The following LRP11 variants were observed in gnomAD, a reference collection of about 807,000 sequenced individuals.
LRP11 encodes the protein LDL receptor related protein 11, also known as low-density lipoprotein receptor-related protein 11.
Under a neutral mutation model 43.1 loss-of-function variants are expected in LRP11, and 25 were observed. The observed-to-expected ratio is 0.58, with a 90% CI of 0.42 to 0.81. The LOEUF (loss-of-function observed/expected upper bound fraction) is 0.81. LRP11 is among the 30% of genes least tolerant of loss of function. The pLI is 0.00. For missense variants in LRP11, 623 were observed against 665.1 expected, an observed-to-expected ratio of 0.94 and a Z score of 0.70; for synonymous variants, 316 against 299.4, an observed-to-expected ratio of 1.06 and a Z score of -0.57.
chr6:149,839,400 G>A lies in LRP11; in HGVS notation c.914-1937C>T, dbSNP rs534155875. On this transcript the variant is annotated intron_variant, in intron 3 of 6. Transcript: ENST00000239367. ...ATGGGCCTGAAGGAGAGTCAGCTCCGGCCACTGGGAAGAAGCAGGGAGCGG... is the reference window on the plus strand; with the variant it reads ...ATGGGCCTGAAGGAGAGTCAGCTCCAGCCACTGGGAAGAAGCAGGGAGCGG... Among the ~76,000 whole-genome samples, 22 of 152,262 alleles carry A rather than the reference G, an allele frequency of 1.4e-4. No individual in the cohort carries two copies. The South Asian group carries it at 4.4e-3, about 30-fold the overall frequency.
intron 2 of LRP11, among the ~76,000 whole-genome samples, chr6:149,843,698 A>C (rs1776586483): frequency 6.6e-6 from 1 of 152,140 alleles, no homozygotes; most frequent in Admixed American, 6.5e-5. Context: ...CCTAAGAAAC[A>C]AACAAAACAA....
At chr6:149,826,465 G>T in intron 5 of LRP11, 106 bp from the exon 6 acceptor site, 1 of 733,020 alleles carries the variant, frequency 1.4e-6, no homozygotes. Context: ...ACTTAGAGAA[G>T]AACTGTTTAT....
chr6:149,858,415 T>C (rs1776835552), intron 1 of LRP11, among the ~76,000 whole-genome samples: 8 of 152,232 alleles, frequency 5.3e-5, no homozygotes, highest in Admixed American at 4.6e-4. Flanking sequence ...ATGGAGTATA[T>C]GTGCCACATT....
At chr6:149,838,509 C>A (rs969802047) in intron 3 of LRP11, among the ~76,000 whole-genome samples, 2 of 151,318 alleles carry the variant, frequency 1.3e-5, no homozygotes, top group Non-Finnish European at 2.9e-5. Flanking sequence ...CACGGTGAAA[C>A]CCCGTCTCTA....
At chr6:149,859,929 A>C (rs1776866562) in intron 1 of LRP11, among the ~76,000 whole-genome samples, 1 of 152,112 alleles carries the variant, frequency 6.6e-6, no homozygotes, top group Non-Finnish European at 1.5e-5. Context: ...TTAATTCTTT[A>C]ATCCATCTGG....
intron 3 of LRP11, among the ~76,000 whole-genome samples, chr6:149,837,971 G>A (rs992596872): frequency 2.0e-5 from 3 of 152,142 alleles, no homozygotes; most frequent in African/African-American, 7.2e-5. Context: ...AGGCTGAAGT[G>A]CAGTGGCACA....
chr6:149,830,138 G>GA (rs1776390705), intron 5 of LRP11, among the ~76,000 whole-genome samples: 1 of 151,356 alleles, frequency 6.6e-6, no homozygotes, highest in Non-Finnish European at 1.5e-5. Flanking sequence ...AGCCTCCCGA[G>GA]AAGCTGGGAT....
In LRP11 at chr6:149,837,408, A is replaced by AT. The variant is rs1776488022; in HGVS notation, c.968_969insA (p.Asp324Ter). 2 of 1,614,152 alleles carry AT rather than the reference A, an allele frequency of 1.2e-6. No homozygotes were observed. The highest frequency in any genetic ancestry group is 2.7e-5 in the African/African-American group (2 of 75,024). ...CTCCATCGCAGGCGAGCGTGATGTCAATGCAGCAGCCATCGTCACAGAAGA... is the reference window on the plus strand; with the variant it reads ...CTCCATCGCAGGCGAGCGTGATGTCATATGCAGCAGCCATCGTCACAGAAGA... On this transcript the variant is annotated frameshift_variant, in exon 4 of 7. Coordinates refer to ENST00000239367, the MANE Select transcript of LRP11 (RefSeq NM_032832.6). LOFTEE classifies it high-confidence loss of function.
Position 149,846,483 on chromosome 6 carries a change from C to T in LRP11, c.772-3359G>A, listed in dbSNP as rs536733588. Among the ~76,000 whole-genome samples the T allele has an allele frequency of 4.8e-4, 73 of 152,176 alleles. 1 individual carries two copies. The highest frequency in any genetic ancestry group is 9.4e-4 in the Non-Finnish European group (64 of 68,034). On this transcript the variant is annotated intron_variant, in intron 2 of 6. Transcript: ENST00000239367. ...AAGAAGCCCTGAGACTGCCAGGGAG[C>T]AGCAGGTGCTGGCCCCCTGCCATGG...
chr6:149,863,617 C>A lies in LRP11; in HGVS notation c.404G>T (p.Cys135Phe). The change falls in exon 1 of 7, where the codon TGC becomes TTC. Residue 135 changes from cysteine to phenylalanine, a missense_variant. Cys to Phe is a radical substitution (Grantham distance 205). Transcript: ENST00000239367. ...RGWRQCVAAC[C>F]SEPRCSVAVV... ...GGCCACGGAGCAGCGCGGCTCGGAGCAGCAGGCCGCCACGCATTGCCGCCA... is the reference window on the plus strand; with the variant it reads ...GGCCACGGAGCAGCGCGGCTCGGAGAAGCAGGCCGCCACGCATTGCCGCCA... The A allele has an allele frequency of 6.8e-7, 1 of 1,466,482 alleles. No individual in the cohort carries two copies. The highest frequency in any genetic ancestry group is 9.0e-7 in the Non-Finnish European group (1 of 1,115,922). The allele number at this position is 1,466,482 out of a possible 1,614,324, so 90.8% of individuals were successfully genotyped here.
At chr6:149,842,324 A>G (rs539018554) in intron 3 of LRP11, among the ~76,000 whole-genome samples, 2 of 152,258 alleles carry the variant, frequency 1.3e-5, no homozygotes, top group South Asian at 4.1e-4. Flanking sequence ...ATGTTTTGAT[A>G]TATGTTTGCA....
At chr6:149,860,393 T>C (rs1583099541) in intron 1 of LRP11, among the ~76,000 whole-genome samples, 1 of 152,258 alleles carries the variant, frequency 6.6e-6, no homozygotes, top group East Asian at 1.9e-4. Flanking sequence ...CTCTAGCTTC[T>C]ACCTCTCCTC....
At position 149,863,980 on chromosome 6, in the gene LRP11, C is replaced by A; in HGVS notation, c.41G>T (p.Arg14Leu). 2 of 1,409,646 alleles carry A rather than the reference C, an allele frequency of 1.4e-6. No individual in the cohort carries two copies. Among genetic ancestry groups the A allele is most frequent in the Non-Finnish European group, 9.2e-7 (1 of 1,089,000 alleles). 87.3% of individuals were successfully genotyped at this position (1,409,646 alleles called of 1,614,324 possible). The change falls in exon 1 of 7, where the codon CGG (arginine) becomes CTG (leucine). Residue 14 changes from arginine to leucine, a missense_variant. Transcript: ENST00000239367. The part of the protein sequence containing the change: ...VAQESAGSQR[R>L]LPPRHGALRG... ...CAGCGCCCCGTGACGCGGCGGTAGC[C>A]GGCGCTGCGAGCCCGCGCTCTCCTG...
chr6:149,825,329 A>G (rs1776324787), intron 6 of LRP11, among the ~76,000 whole-genome samples: 1 of 152,220 alleles, frequency 6.6e-6, no homozygotes, highest in South Asian at 2.1e-4. Context: ...TCCACTTAGT[A>G]AATATTCTAC....
At chr6:149,861,270 G>A (rs1445929337) in intron 1 of LRP11, among the ~76,000 whole-genome samples, 1 of 152,142 alleles carries the variant, frequency 6.6e-6, no homozygotes, top group African/African-American at 2.4e-5. Flanking sequence ...TGACCTCCAC[G>A]CAGAGAGAAC....
At chr6:149,847,512 C>T (rs561326880) in intron 2 of LRP11, among the ~76,000 whole-genome samples, 19 of 152,316 alleles carry the variant, frequency 1.2e-4, no homozygotes, top group Admixed American at 1.2e-3. Context: ...TACATTTTCT[C>T]CCATTAGGAT....
At chr6:149,857,894 A>T (rs75905327) in intron 1 of LRP11, among the ~76,000 whole-genome samples, 1,711 of 152,268 alleles carry the variant, frequency 0.011, 33 homozygotes, top group African/African-American at 0.04. Context: ...TGTACCAGGT[A>T]CCAGGCCAGG....
At chr6:149,857,325 A>G (rs1776814352) in intron 1 of LRP11, among the ~76,000 whole-genome samples, 1 of 152,082 alleles carries the variant, frequency 6.6e-6, no homozygotes, top group African/African-American at 2.4e-5. Context: ...TGAGCCCAGG[A>G]GTTCCAGACC....
chr6:149,821,576 T>C (rs1776278789), intron 6 of LRP11, among the ~76,000 whole-genome samples: 1 of 152,236 alleles, frequency 6.6e-6, no homozygotes, highest in African/African-American at 2.4e-5. Context: ...CTTTAGTTTT[T>C]CCTGTGAGGT....
Sources: gnomAD v4.1 joint callset for allele counts (sites outside exome capture counted in the v4.1 genomes callset) on GRCh38, gnomAD v4.1.1 for gene constraint, MANE v1.5 for transcripts, NCBI Gene and HGNC (gene_info 2026-07-23, HGNC 2026-07-21) for gene names.